Variants in GABRA3 observed in about 807,000 individuals in gnomAD.
GABRA3 encodes gamma-aminobutyric acid type A receptor subunit alpha3, also known as gamma-aminobutyric acid receptor subunit alpha-3.
In GABRA3, 10 loss-of-function variants were observed where a neutral mutation model predicts 30.1. The ratio of observed to expected loss-of-function variants is 0.33; its 90% confidence interval spans 0.20 to 0.56. The LOEUF (loss-of-function observed/expected upper bound fraction) is 0.56. Ranked by LOEUF, GABRA3 falls within the 20% of genes least tolerant of loss-of-function variation. The pLI, the probability that GABRA3 is intolerant of heterozygous loss-of-function variation, is 0.89. For synonymous variants in GABRA3, 151 were observed against 146.8 expected, an observed-to-expected ratio of 1.03 and a Z score of -0.21; for missense variants, 233 against 392.0, an observed-to-expected ratio of 0.59 and a Z score of 3.42.
chrX:152,401,631 T>C (rs1929799213), intron 1 of GABRA3, among the ~76,000 whole-genome samples: 1 of 111,983 alleles, frequency 8.9e-6, no homozygotes, highest in Non-Finnish European at 1.9e-5. Flanking sequence ...ACTTAAAATG[T>C]AAATATTTCT....
intron 3 of GABRA3, among the ~76,000 whole-genome samples, chrX:152,300,607 A>C (rs1939613691): frequency 8.9e-6 from 1 of 112,744 alleles, no homozygotes; most frequent in East Asian, 2.8e-4. Context: ...TAAATCAACT[A>C]TTATAACTCT....
chrX:152,358,691 G>C (rs1189408505), intron 2 of GABRA3, among the ~76,000 whole-genome samples: 1 of 111,337 alleles, frequency 9.0e-6, no homozygotes, highest in Non-Finnish European at 1.9e-5. Flanking sequence ...TTCACAGATA[G>C]TCCTTATTAT....
At chrX:152,288,963 C>A (rs1049971340) in intron 3 of GABRA3, among the ~76,000 whole-genome samples, 2 of 110,343 alleles carry the variant, frequency 1.8e-5, no homozygotes, top group African/African-American at 6.6e-5. Context: ...ATTGGAAGCA[C>A]TTGGATGATC....
intron 3 of GABRA3, among the ~76,000 whole-genome samples, chrX:152,325,573 C>A (rs754901266): frequency 8.9e-6 from 1 of 111,879 alleles, no homozygotes; most frequent in African/African-American, 3.2e-5. Flanking sequence ...CTGGTGATAC[C>A]CAGGCAAAGA....
At chrX:152,194,141 T>C (rs917119444) in intron 8 of GABRA3, among the ~76,000 whole-genome samples, 1 of 112,533 alleles carries the variant, frequency 8.9e-6, no homozygotes, top group Non-Finnish European at 1.9e-5. Flanking sequence ...TCTAAATGTA[T>C]TGTTTAACCA....
At chrX:152,356,262 T>C (rs1940547147) in intron 2 of GABRA3, among the ~76,000 whole-genome samples, 1 of 112,222 alleles carries the variant, frequency 8.9e-6, no homozygotes, top group Non-Finnish European at 1.9e-5. Flanking sequence ...TGTTGAGAAC[T>C]ATTACATCAA....
intron 1 of GABRA3, among the ~76,000 whole-genome samples, chrX:152,420,605 T>C (rs1376678332): frequency 9.0e-6 from 1 of 111,391 alleles, no homozygotes; most frequent in African/African-American, 3.3e-5. Flanking sequence ...AAATTGACCA[T>C]AGATTTTGTG....
At chrX:152,178,576 A>C (rs1335356361) in intron 9 of GABRA3, among the ~76,000 whole-genome samples, 1 of 112,122 alleles carries the variant, frequency 8.9e-6, no homozygotes, top group East Asian at 2.8e-4. Context: ...TAAAAAAAGA[A>C]AGTCCAAGCA....
At chrX:152,275,319 ATAT>A (rs1428715912) in intron 4 of GABRA3, among the ~76,000 whole-genome samples, 1 of 76,004 alleles carries the variant, frequency 1.3e-5, no homozygotes, top group Non-Finnish European at 2.3e-5. Context: ...TATATATAAT[ATAT>A]AATATATATT....
rs1203537323 is a variant in GABRA3, at chrX:152,239,169, G to A, written c.552-14324C>T. Among the ~76,000 whole-genome samples the A allele has an allele frequency of 3.5e-3, 330 of 94,922 alleles. 2 individuals are homozygous for A. The highest frequency in any genetic ancestry group is 4.9e-3 in the Non-Finnish European group (234 of 47,846). The allele number at this position is 94,922 out of a possible 115,157, so 82.4% of individuals were successfully genotyped here. A position where few individuals can be genotyped will look rare whatever the true frequency, so the allele number is the denominator to read the frequency against. On this transcript the variant is annotated intron_variant, in intron 5 of 9. Transcript: ENST00000370314. ...TCCCTCTACACACTGCTTTGAATGC[G>A]TCCCAGAGATTCTGGTATGTTGTGT...
At chrX:152,407,153 C>A (rs1361330264) in intron 1 of GABRA3, among the ~76,000 whole-genome samples, 1 of 110,828 alleles carries the variant, frequency 9.0e-6, no homozygotes, top group African/African-American at 3.3e-5. Flanking sequence ...AATAAATAAC[C>A]TAAGGCTTCA....
intron 3 of GABRA3, among the ~76,000 whole-genome samples, chrX:152,334,034 T>C (rs746914272): frequency 3.6e-5 from 4 of 111,829 alleles, no homozygotes; most frequent in Non-Finnish European, 7.5e-5. Context: ...AGAAGTGACA[T>C]TTATCATGAG....
At chrX:152,424,768 GTTTTC>G (rs1930469517) in intron 1 of GABRA3, among the ~76,000 whole-genome samples, 1 of 109,041 alleles carries the variant, frequency 9.2e-6, no homozygotes, top group Non-Finnish European at 1.9e-5. Flanking sequence ...TTATTTAAAT[GTTTTC>G]TTTGTTTTTA....
chrX:152,185,823 G>A (rs1235751450), intron 9 of GABRA3, among the ~76,000 whole-genome samples: 1 of 112,198 alleles, frequency 8.9e-6, no homozygotes, highest in Admixed American at 9.5e-5. Context: ...CAAAGTAGGC[G>A]TACATTAGAT....
chrX:152,179,363 G>T (rs1376528886), intron 9 of GABRA3, among the ~76,000 whole-genome samples: 3 of 110,735 alleles, frequency 2.7e-5, no homozygotes, highest in Non-Finnish European at 5.7e-5. Context: ...ATTAACTACA[G>T]TCACTTGTTG....
chrX:152,447,281 G>C (rs1450285514), intron 1 of GABRA3, among the ~76,000 whole-genome samples: 2 of 110,951 alleles, frequency 1.8e-5, no homozygotes, highest in African/African-American at 3.3e-5. Context: ...CCTTTAATCA[G>C]TCCCACTCTT....
chrX:152,290,034 GT>G (rs923674373), intron 3 of GABRA3, among the ~76,000 whole-genome samples: 1 of 112,118 alleles, frequency 8.9e-6, no homozygotes, highest in African/African-American at 3.2e-5. Flanking sequence ...TATATACCCA[GT>G]AATGGGATCG....
At chrX:152,256,128 C>T (rs1480225945) in intron 4 of GABRA3, 130 bp from the exon 5 acceptor site, 3 of 477,666 alleles carry the variant, frequency 6.3e-6, no homozygotes, top group African/African-American at 2.4e-5. Context: ...TTAACAGTAG[C>T]TCCTGGTGTG....
chrX:152,181,296 T>C (rs994504900), intron 9 of GABRA3, among the ~76,000 whole-genome samples: 63 of 112,086 alleles, frequency 5.6e-4, no homozygotes, highest in African/African-American at 1.9e-3. Flanking sequence ...TTTGTACTTA[T>C]TGTGAATGGG....
Sources: allele counts gnomAD v4.1 joint callset (sites outside exome capture counted in the v4.1 genomes callset), GRCh38; gene constraint gnomAD v4.1.1; transcripts MANE v1.5; gene names NCBI Gene and HGNC (gene_info 2026-07-23, HGNC 2026-07-21).